ERBIN: variants seen among roughly 807,000 people sequenced by gnomAD.
The protein encoded by ERBIN is erbb2 interacting protein, also known as densin-180-like protein.
In ERBIN, 60 loss-of-function variants were observed where a neutral mutation model predicts 158.4. The observed-to-expected ratio is 0.38, with a 90% CI of 0.31 to 0.47. The LOEUF is 0.47. Among genes scored for constraint, ERBIN ranks in the 20% least tolerant of loss-of-function variants. The pLI, the probability that ERBIN is intolerant of heterozygous loss-of-function variation, is 0.99. For synonymous variants in ERBIN, 594 were observed against 557.2 expected (o/e 1.07, Z -0.93); for missense variants, 1,610 against 1,648.0 (o/e 0.98, Z 0.40).
At chr5:66,067,657 C>G in intron 21 of ERBIN, among the ~76,000 whole-genome samples, 1 of 152,164 alleles carries the variant, frequency 6.6e-6, no homozygotes, top group East Asian at 1.9e-4. Context: ...ACCACTAACT[C>G]CTAAAATATA....
intron 25 of ERBIN, among the ~76,000 whole-genome samples, 195 bp downstream of exon 25, chr5:66,077,144 C>G (rs1378994824): frequency 7.7e-6 from 1 of 129,060 alleles, no homozygotes; most frequent in South Asian, 2.4e-4. Context: ...GAGCGAGACT[C>G]TGTCTCAAAA....
In ERBIN at chr5:66,081,900, A is replaced by C. The variant is rs1031529485; in HGVS notation, c.*3370A>C. On this transcript the variant is annotated 3_prime_UTR_variant, in exon 26 of 26. Transcript: ENST00000284037. ...GAACAAGTGAACAAGATGCCTCTTT[A>C]AAAAAAAAAAAGAAAAAGTAATCTA... 18 of 143,364 alleles carry C rather than the reference A, an allele frequency of 1.3e-4. No homozygotes were observed. The Admixed American group carries it at 1.3e-3, about 10-fold the overall frequency. The allele number at this position is 143,364 out of a possible 1,614,324, so 8.9% of individuals were successfully genotyped here.
intron 21 of ERBIN, among the ~76,000 whole-genome samples, chr5:66,067,068 A>T (rs949577713): frequency 6.6e-6 from 1 of 152,174 alleles, no homozygotes; most frequent in African/African-American, 2.4e-5. Flanking sequence ...TGTGTCTGTT[A>T]TTTATGTATG....
intron 22 of ERBIN, among the ~76,000 whole-genome samples, chr5:66,072,545 C>T (rs1282875647): frequency 2.0e-5 from 3 of 151,888 alleles, no homozygotes; most frequent in East Asian, 1.9e-4. Flanking sequence ...TATATAGTAC[C>T]ACCTATTTAT....
Position 65,942,652 on chromosome 5 carries a change from C to T in ERBIN, c.-58+15846C>T, listed in dbSNP as rs562895582. 2.6e-5 allele frequency among the ~76,000 whole-genome samples: 4 copies of T among 152,320 alleles called. No individual in the cohort carries two copies. In the South Asian group the frequency reaches 8.3e-4, roughly 32 times the overall value. ...TAAAAAATAGACTTAAGGCTGGGTGCAGTGGCTCATGCCTGTAATCCCAGC... is the reference window on the plus strand; with the variant it reads ...TAAAAAATAGACTTAAGGCTGGGTGTAGTGGCTCATGCCTGTAATCCCAGC... On this transcript the variant is annotated intron_variant, in intron 1 of 25. Coordinates refer to ENST00000284037, the MANE Select transcript of ERBIN (RefSeq NM_001253697.2).
In ERBIN at chr5:66,075,043, A is replaced by G. The variant is rs774301376; in HGVS notation, c.3776A>G (p.Gln1259Arg). 2 of 1,614,202 alleles carry G rather than the reference A, an allele frequency of 1.2e-6. No homozygotes were observed. The change falls in exon 23 of 26, where the codon CAG becomes CGG. Residue 1259 changes from glutamine to arginine, a missense_variant. Gln to Arg is a conservative substitution (Grantham distance 43). Around this residue, in one of 2 missense-constraint regions of ERBIN, gnomAD observed 1,014 missense variants for 936.1 expected, o/e 1.08. Coordinates refer to ENST00000284037, the MANE Select transcript of ERBIN (RefSeq NM_001253697.2). ...SLMKMPLSNG[Q>R]MGQPLRPQAN... ...TCTTAGATGCCTTTGAGTAATGGAC[A>G]GATGGGCCAGCCTCTCAGGCCTCAG...
At chr5:66,046,778 A>G (rs769146954) in intron 18 of ERBIN, among the ~76,000 whole-genome samples, 1 of 152,184 alleles carries the variant, frequency 6.6e-6, no homozygotes, top group Non-Finnish European at 1.5e-5. Flanking sequence ...TGTAAAATAC[A>G]TAATTGCTTT....
chr5:66,020,119 A>G (rs1188290297), intron 7 of ERBIN, among the ~76,000 whole-genome samples: 2 of 152,094 alleles, frequency 1.3e-5, no homozygotes, highest in Non-Finnish European at 2.9e-5. Flanking sequence ...CACTTAGTAA[A>G]TCTAGGTGAA....
intron 1 of ERBIN, among the ~76,000 whole-genome samples, chr5:65,955,208 T>C (rs893525746): frequency 2.6e-5 from 4 of 152,116 alleles, no homozygotes; most frequent in African/African-American, 7.2e-5. Context: ...TGCTAGCACA[T>C]AGGGGGGCCA....
Position 66,076,310 on chromosome 5 carries a change from A to T in ERBIN, c.3964-6A>T. The T allele has an allele frequency of 6.2e-7, 1 of 1,608,356 alleles. No homozygotes were observed. The highest frequency in any genetic ancestry group is 8.5e-7 in the Non-Finnish European group (1 of 1,177,500). ...GTAAGTTTCCTTTATTTTCATATTAACTCAGATTCGAGTGAGGGTTGAAAA... is the reference window on the plus strand; with the variant it reads ...GTAAGTTTCCTTTATTTTCATATTATCTCAGATTCGAGTGAGGGTTGAAAA... On this transcript the variant is annotated splice_region_variant and splice_polypyrimidine_tract_variant and intron_variant, in intron 23 of 25. Transcript: ENST00000284037.
At chr5:66,013,744 T>C in intron 6 of ERBIN, 106 bp downstream of exon 6, 1 of 648,776 alleles carries the variant, frequency 1.5e-6, no homozygotes, top group Non-Finnish European at 2.7e-6. Context: ...ATAGGCTCTT[T>C]TTAAATTATT....
At chr5:66,019,053 A>T (rs935163105) in intron 7 of ERBIN, among the ~76,000 whole-genome samples, 1 of 152,156 alleles carries the variant, frequency 6.6e-6, no homozygotes, top group African/African-American at 2.4e-5. Context: ...ATATCCTTCA[A>T]CTTTACTTAA....
chr5:66,004,893 G>A (rs540701915), intron 4 of ERBIN, among the ~76,000 whole-genome samples: 7 of 152,164 alleles, frequency 4.6e-5, no homozygotes, highest in Non-Finnish European at 8.8e-5. Context: ...AACTAAAACA[G>A]TGTGAGCAAG....
chr5:66,024,852 C>CA (rs1756065333), intron 10 of ERBIN, among the ~76,000 whole-genome samples: 1 of 151,970 alleles, frequency 6.6e-6, no homozygotes, highest in Non-Finnish European at 1.5e-5. Flanking sequence ...GTTGCTTGTT[C>CA]AATGATATGT....
intron 21 of ERBIN, among the ~76,000 whole-genome samples, chr5:66,059,226 G>A (rs1759971445): frequency 6.6e-6 from 1 of 152,120 alleles, no homozygotes; most frequent in Non-Finnish European, 1.5e-5. Flanking sequence ...GCAGTGGTTT[G>A]TAGTTCTCCT....
At chr5:66,067,006 A>C (rs1357005710) in intron 21 of ERBIN, among the ~76,000 whole-genome samples, 2 of 152,242 alleles carry the variant, frequency 1.3e-5, no homozygotes, top group Admixed American at 6.5e-5. Flanking sequence ...TAAAGGGTTA[A>C]TCAGGCCACT....
chr5:66,035,720 T>TA (rs1757331293), intron 14 of ERBIN, among the ~76,000 whole-genome samples: 1 of 152,234 alleles, frequency 6.6e-6, no homozygotes, highest in African/African-American at 2.4e-5. Flanking sequence ...GTTAAAATGA[T>TA]ATTTTGAATA....
intron 1 of ERBIN, among the ~76,000 whole-genome samples, chr5:65,947,119 A>G (rs893879002): frequency 1.3e-5 from 2 of 152,062 alleles, no homozygotes; most frequent in African/African-American, 4.8e-5. Flanking sequence ...CCCATTTATT[A>G]TTCTTTTATG....
At chr5:65,981,614 ACT>A (rs1750658152) in intron 1 of ERBIN, among the ~76,000 whole-genome samples, 1 of 152,166 alleles carries the variant, frequency 6.6e-6, no homozygotes, top group Admixed American at 6.5e-5. Context: ...AAAGGAAATA[ACT>A]ATTTAAAAAT....
Sources: gnomAD v4.1 joint callset for allele counts (sites outside exome capture counted in the v4.1 genomes callset) on GRCh38, gnomAD v4.1.1 for gene constraint, gnomAD v4.1.1 regional missense constraint, MANE v1.5 for transcripts, NCBI Gene and HGNC (gene_info 2026-07-23, HGNC 2026-07-21) for gene names.